Variants in LRP1B observed in about 807,000 individuals in gnomAD.
LRP1B encodes the protein LDL receptor related protein 1B.
LRP1B carries 217 observed loss-of-function variants against 556.6 expected under a neutral mutation model. That is an observed-to-expected ratio of 0.39 (90% CI 0.35 to 0.44). LRP1B has a LOEUF of 0.44. Ranked by LOEUF, LRP1B falls within the 20% of genes least tolerant of loss-of-function variation. The pLI is 1.00. For missense variants in LRP1B, 5,053 were observed against 5,620.8 expected, an observed-to-expected ratio of 0.90 and a Z score of 3.23; for synonymous variants, 2,047 against 1,865.8, an observed-to-expected ratio of 1.10 and a Z score of -2.50.
intron 2 of LRP1B, among the ~76,000 whole-genome samples, chr2:141,678,136 G>A (rs1212443737): frequency 6.6e-6 from 1 of 152,146 alleles, no homozygotes; most frequent in East Asian, 1.9e-4. Context: ...AACACATTAT[G>A]TATTAATAGA....
chr2:142,125,328 G>T (rs139315803), intron 1 of LRP1B, among the ~76,000 whole-genome samples: 1 of 151,812 alleles, frequency 6.6e-6, no homozygotes, highest in East Asian at 1.9e-4. Flanking sequence ...CTAAAATAGA[G>T]GGTTCATATG....
At chr2:140,793,526 A>G (rs929344514) in intron 32 of LRP1B, among the ~76,000 whole-genome samples, 2 of 152,048 alleles carry the variant, frequency 1.3e-5, no homozygotes, top group Non-Finnish European at 2.9e-5. Flanking sequence ...TGTAAAATTT[A>G]CTGACTAGAA....
chr2:141,780,539 TTGA>T (rs1695220250), intron 2 of LRP1B, among the ~76,000 whole-genome samples: 2 of 152,232 alleles, frequency 1.3e-5, no homozygotes, highest in African/African-American at 4.8e-5. Flanking sequence ...TTTCTGAATC[TTGA>T]TGGTGTAAAT....
At chr2:140,639,809 C>T (rs560362732) in intron 41 of LRP1B, among the ~76,000 whole-genome samples, 40 of 152,238 alleles carry the variant, frequency 2.6e-4, no homozygotes, top group African/African-American at 9.6e-4. Flanking sequence ...CTCCCAGTCG[C>T]CGTTCTGACC....
chr2:140,626,351 C>T (rs1455794490), intron 41 of LRP1B, among the ~76,000 whole-genome samples: 5 of 151,942 alleles, frequency 3.3e-5, no homozygotes, highest in Non-Finnish European at 7.4e-5. Flanking sequence ...AGAGAGAACC[C>T]TAATTTAAAT....
chr2:140,916,052 T>G (rs1424204533), intron 21 of LRP1B, among the ~76,000 whole-genome samples: 1 of 151,482 alleles, frequency 6.6e-6, no homozygotes, highest in Non-Finnish European at 1.5e-5. Flanking sequence ...ACAAAAAAAG[T>G]CACTGGGAGG....
rs1680854444 is a variant in LRP1B at position 140,239,444 on chromosome 2, T to C, written c.13413A>G (p.Arg4471=). ...VIGLVLCKRK[R]RTKTIRRQPI... ...TAATCTAGAACATTGCATCTTACCT[T>C]CTTTTTCTTTTACAAAGCACTAAAC... Residue 4471 remains arginine, a splice_region_variant and synonymous_variant, in exon 88 of 91, where the codon AGA becomes AGG. Transcript: ENST00000389484. 1.3e-6 allele frequency: 2 copies of C among 1,582,444 alleles called. No individual in the cohort carries two copies. The highest frequency in any genetic ancestry group is 2.3e-5 in the East Asian group (1 of 43,988).
At chr2:140,754,116 C>A (rs1391662473) in intron 35 of LRP1B, among the ~76,000 whole-genome samples, 1 of 152,152 alleles carries the variant, frequency 6.6e-6, no homozygotes, top group African/African-American at 2.4e-5. Flanking sequence ...CAAACCTCTC[C>A]CCAAAAGAAC....
chr2:141,040,682 A>C (rs1698671604), intron 11 of LRP1B, among the ~76,000 whole-genome samples: 1 of 152,032 alleles, frequency 6.6e-6, no homozygotes, highest in South Asian at 2.1e-4. Context: ...TAAGTAATCG[A>C]ATGATAAATC....
intron 2 of LRP1B, among the ~76,000 whole-genome samples, chr2:141,740,732 G>A (rs1406428925): frequency 6.6e-6 from 1 of 152,154 alleles, no homozygotes. Flanking sequence ...TGTGGACTCT[G>A]AAGGCATTGG....
chr2:140,719,091 C>T (rs183312935), intron 35 of LRP1B, among the ~76,000 whole-genome samples: 1 of 152,080 alleles, frequency 6.6e-6, no homozygotes, highest in East Asian at 1.9e-4. Flanking sequence ...AATGTAATTT[C>T]TTTGAGGGCT....
At chr2:140,764,868 G>C (rs1689047263) in intron 35 of LRP1B, among the ~76,000 whole-genome samples, 1 of 152,146 alleles carries the variant, frequency 6.6e-6, no homozygotes, top group Non-Finnish European at 1.5e-5. Flanking sequence ...AATGTATACT[G>C]ACATGTTCCT....
At chr2:141,048,416 T>C (rs749761349) in intron 11 of LRP1B, among the ~76,000 whole-genome samples, 1 of 152,134 alleles carries the variant, frequency 6.6e-6, no homozygotes, top group Non-Finnish European at 1.5e-5. Flanking sequence ...TCTATCTGTT[T>C]TTATGTATAT....
At chr2:140,756,349 C>T (rs771481562) in intron 35 of LRP1B, among the ~76,000 whole-genome samples, 3 of 151,854 alleles carry the variant, frequency 2.0e-5, no homozygotes, top group Non-Finnish European at 4.4e-5. Context: ...ACTCATAAGA[C>T]AATACAAGGA....
At chr2:140,493,870 G>A (rs886414759) in intron 56 of LRP1B, among the ~76,000 whole-genome samples, 1 of 151,988 alleles carries the variant, frequency 6.6e-6, no homozygotes, top group African/African-American at 2.4e-5. Context: ...TCCTTGATGG[G>A]ATCCCAAATT....
chr2:140,965,009 T>C lies in LRP1B; in HGVS notation c.2888-13069A>G, dbSNP rs551655753. ...TTTGGAGGGATATAATAGAGAGATA[T>C]TGAAAGAAGTTCAATGGAGTGGCAG... is the stretch of plus-strand genomic sequence containing the variant. On this transcript the variant is annotated intron_variant, in intron 18 of 90. Coordinates refer to ENST00000389484, the MANE Select transcript of LRP1B (RefSeq NM_018557.3). Among the ~76,000 whole-genome samples, 26 of 152,238 alleles carry C rather than the reference T, an allele frequency of 1.7e-4. No individual in the cohort carries two copies. The South Asian group carries it at 4.8e-3, about 28-fold the overall frequency.
chr2:140,798,715 C>A (rs921054490), intron 32 of LRP1B, among the ~76,000 whole-genome samples: 1 of 152,140 alleles, frequency 6.6e-6, no homozygotes, highest in Non-Finnish European at 1.5e-5. Flanking sequence ...ACAGTAGCAA[C>A]CCCCTTTTCC....
intron 15 of LRP1B, among the ~76,000 whole-genome samples, chr2:141,000,252 A>T (rs1697378155): frequency 6.6e-6 from 1 of 151,986 alleles, no homozygotes; most frequent in Non-Finnish European, 1.5e-5. Context: ...TACAGTACCC[A>T]AGCAAATATC....
rs1433805602 is a variant in LRP1B at position 140,480,912 on chromosome 2, G to A, written c.9425+4431C>T. ...GAAAAAGTCTCACTCTGTCATGCAGGCTGGAGTGCAGTGGCACCATCTGGG... is the reference window on the plus strand; with the variant it reads ...GAAAAAGTCTCACTCTGTCATGCAGACTGGAGTGCAGTGGCACCATCTGGG... On this transcript the variant is annotated intron_variant, in intron 59 of 90. Transcript: ENST00000389484. Among the ~76,000 whole-genome samples the A allele has an allele frequency of 3.9e-5, 6 of 151,990 alleles. No individual in the cohort carries two copies. The East Asian group carries it at 1.2e-3, about 29-fold the overall frequency.
Sources: gnomAD v4.1 joint callset for allele counts (sites outside exome capture counted in the v4.1 genomes callset) on GRCh38, gnomAD v4.1.1 for gene constraint, MANE v1.5 for transcripts, NCBI Gene and HGNC (gene_info 2026-07-23, HGNC 2026-07-21) for gene names.